AMPH: variants seen among roughly 807,000 people sequenced by gnomAD.
AMPH encodes the protein amphiphysin.
AMPH carries 49 observed loss-of-function variants against 99.1 expected under a neutral mutation model. The ratio of observed to expected loss-of-function variants is 0.49; its 90% CI spans 0.39 to 0.63. AMPH has a LOEUF of 0.63. Ranked by LOEUF, AMPH falls within the 20% of genes least tolerant of loss-of-function variation. The pLI, the probability that AMPH is intolerant of heterozygous loss-of-function variation, is 0.00. For missense variants in AMPH, 759 were observed against 863.4 expected (o/e 0.88, Z 1.52); for synonymous variants, 314 against 317.3 (o/e 0.99, Z 0.11).
At chr7:38,422,399 G>C in intron 16 of AMPH, 22 bp downstream of exon 16, 1 of 1,604,130 alleles carries the variant, frequency 6.2e-7, no homozygotes, top group Non-Finnish European at 8.5e-7. Context: ...CTTCCTGAGA[G>C]CACAAACCCA....
At chr7:38,530,439 A>T (rs2129038470) in intron 2 of AMPH, among the ~76,000 whole-genome samples, 1 of 152,302 alleles carries the variant, frequency 6.6e-6, no homozygotes. Flanking sequence ...TATTTCAATG[A>T]GGGAATGGAA....
chr7:38,466,629 G>A (rs1787663402), intron 7 of AMPH, among the ~76,000 whole-genome samples: 1 of 151,786 alleles, frequency 6.6e-6, no homozygotes, highest in Non-Finnish European at 1.5e-5. Flanking sequence ...CAGAGACAAC[G>A]CTTATGGAAC....
At chr7:38,624,623 C>T (rs1794182882) in intron 1 of AMPH, among the ~76,000 whole-genome samples, 2 of 148,984 alleles carry the variant, frequency 1.3e-5, no homozygotes, top group African/African-American at 4.9e-5. Flanking sequence ...AGAGTTAAGA[C>T]CAAATAAATG....
At chr7:38,411,385 G>A (rs1369068829) in intron 17 of AMPH, among the ~76,000 whole-genome samples, 2 of 152,164 alleles carry the variant, frequency 1.3e-5, no homozygotes, top group African/African-American at 2.4e-5. Context: ...TGGAACACAA[G>A]GCAACTTGCT....
intron 2 of AMPH, among the ~76,000 whole-genome samples, chr7:38,510,666 C>T (rs1342396942): frequency 6.6e-6 from 1 of 152,160 alleles, no homozygotes; most frequent in African/African-American, 2.4e-5. Flanking sequence ...GGAATTCAGG[C>T]AGGCTGAGTT....
chr7:38,614,788 C>A (rs1793816810), intron 1 of AMPH, among the ~76,000 whole-genome samples: 1 of 152,142 alleles, frequency 6.6e-6, no homozygotes. Flanking sequence ...AGACCTTAGG[C>A]ATCAGATTTA....
At chr7:38,561,721 C>A (rs910247034) in intron 1 of AMPH, among the ~76,000 whole-genome samples, 2 of 152,146 alleles carry the variant, frequency 1.3e-5, no homozygotes, top group African/African-American at 4.8e-5. Context: ...GATGGGGCCT[C>A]TGGGAGGCAA....
At chr7:38,494,778 G>A (rs1788866484) in intron 3 of AMPH, among the ~76,000 whole-genome samples, 1 of 152,132 alleles carries the variant, frequency 6.6e-6, no homozygotes, top group Admixed American at 6.5e-5. Context: ...AGATCAACAA[G>A]TATCCTACTC....
At chr7:38,589,735 TTGAG>T (rs1341214353) in intron 1 of AMPH, among the ~76,000 whole-genome samples, 20 of 152,214 alleles carry the variant, frequency 1.3e-4, no homozygotes, top group Non-Finnish European at 2.5e-4. Context: ...CAATTATTAA[TTGAG>T]TATGTGAAAG....
At position 38,389,921 on chromosome 7, in the gene AMPH, A is replaced by C. The variant is rs1392940914; in HGVS notation, c.1879-16T>G. On this transcript the variant is annotated splice_polypyrimidine_tract_variant and intron_variant, in intron 19 of 20. Transcript: ENST00000356264. Reference sequence around the variant, plus strand: ...GTGTTTCCACCTGCAGAAGATAAGAATACATAAAAATCAATTTCCCAGCCA... The same window carrying C: ...GTGTTTCCACCTGCAGAAGATAAGACTACATAAAAATCAATTTCCCAGCCA... 1.3e-6 allele frequency: 2 copies of C among 1,584,822 alleles called. No individual in the cohort carries two copies. Among genetic ancestry groups the C allele is most frequent in the South Asian group, 2.2e-5 (2 of 90,486 alleles).
intron 1 of AMPH, among the ~76,000 whole-genome samples, chr7:38,610,322 A>G (rs193067964): frequency 2.5e-5 from 1 of 40,308 alleles, no homozygotes; most frequent in African/African-American, 1.5e-4. Flanking sequence ...AAAAGAAAAG[A>G]AAAGAAAAGA....
At chr7:38,456,656 G>A (rs34057414) in intron 11 of AMPH, among the ~76,000 whole-genome samples, 14,881 of 152,178 alleles carry the variant, frequency 0.098, 985 homozygotes, top group Middle Eastern at 0.2. Flanking sequence ...TTGGGTTCCC[G>A]TGGGTTACTC....
chr7:38,534,902 C>T (rs1176730760), intron 2 of AMPH, 29 bp downstream of exon 2: 4 of 1,587,490 alleles, frequency 2.5e-6, no homozygotes, highest in African/African-American at 1.3e-5. Context: ...AACAATTTCC[C>T]ACTCCAGAAA....
At chr7:38,594,621 T>G (rs77340577) in intron 1 of AMPH, among the ~76,000 whole-genome samples, 1,682 of 152,266 alleles carry the variant, frequency 0.011, 29 homozygotes, top group African/African-American at 0.038. Context: ...CTCCAATGGT[T>G]TGCTTTCAAG....
Position 38,418,552 on chromosome 7 carries a change from C to T in AMPH, c.1273-602G>A, listed in dbSNP as rs547457968. On this transcript the variant is annotated intron_variant, in intron 16 of 20. Transcript: ENST00000356264. ...AACAGGTCACCATGAAGCTAGTGTT[C>T]CACTTCCAAGGCTGGGAAGAACAGA... 5.3e-5 allele frequency among the ~76,000 whole-genome samples: 8 copies of T among 152,328 alleles called. No individual in the cohort carries two copies. The South Asian group carries it at 1.7e-3, about 32-fold the overall frequency.
rs1382718866 is a variant in AMPH at position 38,571,031 on chromosome 7, A to C, written c.70-36020T>G. Among the ~76,000 whole-genome samples the C allele has an allele frequency of 8.7e-4, 12 of 13,838 alleles. 1 individual carries two copies. The highest frequency in any genetic ancestry group is 2.6e-3 in the African/African-American group (11 of 4,248). 9.1% of individuals were successfully genotyped at this position (13,838 alleles called of 152,430 possible). On this transcript the variant is annotated intron_variant, in intron 1 of 20. Transcript: ENST00000356264. ...ATAGAATATATATATTCATATATTG[A>C]ATATATATAGAATATATATATTCAT...
At chr7:38,585,180 C>T (rs1257443583) in intron 1 of AMPH, among the ~76,000 whole-genome samples, 1 of 152,150 alleles carries the variant, frequency 6.6e-6, no homozygotes, top group Non-Finnish European at 1.5e-5. Flanking sequence ...AACCCCATGG[C>T]ATAGATACCA....
intron 15 of AMPH, 122 bp from the exon 16 acceptor site, chr7:38,422,599 T>C (rs113702370): frequency 2.3e-5 from 14 of 614,396 alleles, no homozygotes; most frequent in African/African-American, 5.5e-5. Flanking sequence ...TCTATCTATC[T>C]ATCCATCTAT....
At chr7:38,419,362 C>T (rs1167767989) in intron 16 of AMPH, among the ~76,000 whole-genome samples, 1 of 147,132 alleles carries the variant, frequency 6.8e-6, no homozygotes, top group Non-Finnish European at 1.5e-5. Flanking sequence ...CATTTTTATG[C>T]ATGCCAGGAT....
Sources: gnomAD v4.1 joint callset for allele counts (sites outside exome capture counted in the v4.1 genomes callset) on GRCh38, gnomAD v4.1.1 for gene constraint, MANE v1.5 for transcripts, NCBI Gene and HGNC (gene_info 2026-07-23, HGNC 2026-07-21) for gene names.